Variants in DNAH12 observed in about 807,000 individuals in gnomAD.
DNAH12 encodes the protein axonemal beta dynein heavy chain 12.
A neutral mutation model predicts 371.5 loss-of-function variants in DNAH12; 285 were observed. The observed-to-expected ratio is 0.77, with a 90% CI of 0.70 to 0.85. The LOEUF (loss-of-function observed/expected upper bound fraction) is 0.85. DNAH12 is among the 40% of genes least tolerant of loss of function. DNAH12 has a pLI of 0.00. For missense variants in DNAH12, 3,611 were observed against 3,689.4 expected (o/e 0.98, Z 0.55); for synonymous variants, 1,200 against 1,213.0 (o/e 0.99, Z 0.22).
At position 57,369,228 on chromosome 3, in the gene DNAH12, A is replaced by ATAT. The variant is rs1553666815; in HGVS notation, c.8760-969_8760-968insATA. On this transcript the variant is annotated intron_variant, in intron 55 of 73. Coordinates refer to ENST00000495027, the MANE Select transcript of DNAH12 (RefSeq NM_001366028.2). The stretch of plus-strand genomic sequence containing the variant: ...AAGATTGAAACTCCATTAAAAAAAA[A>ATAT]ATATATATATATATATATATAAAAC... Among the ~76,000 whole-genome samples, 348 of 131,704 alleles carry ATAT rather than the reference A, an allele frequency of 2.6e-3. 2 individuals are homozygous for ATAT. Among genetic ancestry groups the ATAT allele is most frequent in the African/African-American group, 6.6e-3 (243 of 36,888 alleles). The allele number at this position is 131,704 out of a possible 152,430, so 86.4% of individuals were successfully genotyped here.
chr3:57,377,326 A>C (rs2063300878), intron 52 of DNAH12, 104 bp from the exon 53 acceptor site: 1 of 152,138 alleles, frequency 6.6e-6, no homozygotes, highest in African/African-American at 2.4e-5. Context: ...CATTGTAATA[A>C]ATTATATAAA....
chr3:57,490,128 C>A (rs2067067477), intron 11 of DNAH12, among the ~76,000 whole-genome samples: 1 of 152,060 alleles, frequency 6.6e-6, no homozygotes, highest in Non-Finnish European at 1.5e-5. Context: ...CTAATTCAAC[C>A]TTTAGGAAAA....
At chr3:57,361,220 G>A (rs2062920225) in intron 58 of DNAH12, among the ~76,000 whole-genome samples, 2 of 150,870 alleles carry the variant, frequency 1.3e-5, no homozygotes, top group African/African-American at 4.9e-5. Context: ...GGCATGGTGG[G>A]CGCCTGTAAT....
At chr3:57,418,104 A>G (rs1054581014) in intron 37 of DNAH12, among the ~76,000 whole-genome samples, 1 of 152,090 alleles carries the variant, frequency 6.6e-6, no homozygotes, top group Non-Finnish European at 1.5e-5. Flanking sequence ...GTGAGCAGAG[A>G]TGCTGGAATG....
At chr3:57,458,324 T>G in intron 20 of DNAH12, 104 bp from the exon 21 acceptor site, 1 of 1,300,964 alleles carries the variant, frequency 7.7e-7, no homozygotes, top group Non-Finnish European at 9.9e-7. Flanking sequence ...TGTTAAAAGG[T>G]TTATGAAAAA....
intron 27 of DNAH12, among the ~76,000 whole-genome samples, 191 bp from the exon 28 acceptor site, chr3:57,445,610 A>T (rs2065461949): frequency 6.6e-6 from 1 of 152,068 alleles, no homozygotes; most frequent in African/African-American, 2.4e-5. Flanking sequence ...TGTTTAAAAA[A>T]GTTTTGGGAG....
At position 57,363,573 on chromosome 3, in the gene DNAH12, CT is replaced by C. The variant is rs1424421651; in HGVS notation, c.9360+20del. The stretch of plus-strand genomic sequence containing the variant: ...TAATCTTAAGATTTAAATCAAAAGA[CT>C]TCTAGGATTCTTTTTTCACCTGCTG... On this transcript the variant is annotated intron_variant, in intron 58 of 73. Coordinates refer to ENST00000495027, the MANE Select transcript of DNAH12 (RefSeq NM_001366028.2). 1 of 152,028 alleles carries C rather than the reference CT, an allele frequency of 6.6e-6. No individual in the cohort carries two copies. The highest frequency in any genetic ancestry group is 6.6e-5 in the Admixed American group (1 of 15,252). 9.4% of individuals were successfully genotyped at this position (152,028 alleles called of 1,614,324 possible). A position where few individuals can be genotyped will look rare whatever the true frequency, so the allele number is the denominator to read the frequency against.
chr3:57,480,006 A>C (rs1247426389), intron 13 of DNAH12, among the ~76,000 whole-genome samples: 1 of 152,220 alleles, frequency 6.6e-6, no homozygotes, highest in Non-Finnish European at 1.5e-5. Flanking sequence ...TCACAATTAA[A>C]AGAACTAGAG....
At chr3:57,325,427 T>C (rs1232699539) in intron 62 of DNAH12, among the ~76,000 whole-genome samples, 1 of 152,224 alleles carries the variant, frequency 6.6e-6, no homozygotes, top group African/African-American at 2.4e-5. Context: ...AAAACCACTG[T>C]TCTGCAAACA....
intron 62 of DNAH12, among the ~76,000 whole-genome samples, chr3:57,326,153 G>C (rs1013157913): frequency 8.5e-5 from 13 of 152,048 alleles, no homozygotes; most frequent in Non-Finnish European, 1.9e-4. Context: ...TTATCCAGGA[G>C]AACTTCCCCA....
intron 6 of DNAH12, among the ~76,000 whole-genome samples, chr3:57,508,924 A>T (rs532201654): frequency 4.6e-5 from 7 of 152,340 alleles, no homozygotes; most frequent in Non-Finnish European, 1.0e-4. Flanking sequence ...GGCTAAGTTA[A>T]GCTATGCATT....
intron 73 of DNAH12, among the ~76,000 whole-genome samples, chr3:57,294,193 TG>T (rs1403630433): frequency 5.6e-5 from 8 of 142,606 alleles, no homozygotes; most frequent in African/African-American, 1.8e-4. Context: ...TTTTTTTTTT[TG>T]GAGACTGAGT....
intron 62 of DNAH12, among the ~76,000 whole-genome samples, chr3:57,327,859 T>TA (rs1202099900): frequency 1.3e-5 from 2 of 152,038 alleles, no homozygotes; most frequent in African/African-American, 4.8e-5. Flanking sequence ...ATAGATGCAA[T>TA]AAAAAATGAT....
At chr3:57,448,590 C>T (rs867999496) in intron 25 of DNAH12, among the ~76,000 whole-genome samples, 8 of 152,318 alleles carry the variant, frequency 5.3e-5, no homozygotes, top group East Asian at 1.9e-4. Context: ...ACAAAGCTTC[C>T]ACAGCGTGGA....
At chr3:57,509,861 TAAAA>T (rs902155403) in intron 5 of DNAH12, among the ~76,000 whole-genome samples, 86 of 46,536 alleles carry the variant, frequency 1.8e-3, no homozygotes, top group African/African-American at 5.2e-3. Flanking sequence ...GACTCCATCA[TAAAA>T]AAAAAAAAAA....
Position 57,405,834 on chromosome 3 carries a change from A to G in DNAH12, c.6395T>C (p.Val2132Ala). ...ACGGATCATAGTGTGTTTGTTCGCC[A>G]CGGCGTCTCTTTCAATGAGTAAACA... ...RGCLLIERDA[V>A]ANKHTMIRLF... is the part of the protein sequence containing the mutation. Residue 2132 changes from valine (V) to alanine (A), a missense_variant, in exon 41 of 74, where the codon GTG (valine) becomes GCG (alanine). This residue lies in a region of DNAH12 where 2,266 missense variants were observed against 2,236.9 expected (regional missense o/e 1.01). Coordinates refer to ENST00000495027, the MANE Select transcript of DNAH12 (RefSeq NM_001366028.2). 1 of 1,551,716 alleles carries G rather than the reference A, an allele frequency of 6.4e-7. No homozygotes were observed. Among genetic ancestry groups the G allele is most frequent in the Non-Finnish European group, 8.7e-7 (1 of 1,146,984 alleles).
rs2061352027 is a variant in DNAH12 at position 57,301,724 on chromosome 3, ACAC to A, written c.11394+8_11394+10del. On this transcript the variant is annotated splice_region_variant and intron_variant, in intron 70 of 73. Coordinates refer to ENST00000495027, the MANE Select transcript of DNAH12 (RefSeq NM_001366028.2). Reference sequence around the variant, plus strand: ...CACACACACACACACACACACACACACACATTTTACCTGTAAAAAGTTCAACCG... The same window carrying A: ...CACACACACACACACACACACACACAATTTTACCTGTAAAAAGTTCAACCG... The A allele has an allele frequency of 2.2e-6, 3 of 1,368,824 alleles. No individual in the cohort carries two copies. Among genetic ancestry groups the A allele is most frequent in the African/African-American group, 1.6e-5 (1 of 61,994 alleles). 84.8% of individuals were successfully genotyped at this position (1,368,824 alleles called of 1,614,324 possible).
chr3:57,388,370 G>A (rs945975187), intron 45 of DNAH12, among the ~76,000 whole-genome samples: 9 of 152,166 alleles, frequency 5.9e-5, no homozygotes, highest in Non-Finnish European at 1.3e-4. Context: ...GTTCACTAGA[G>A]TATTTTCCAG....
chr3:57,354,324 T>A (rs888912949), intron 59 of DNAH12, among the ~76,000 whole-genome samples: 2 of 152,004 alleles, frequency 1.3e-5, no homozygotes. Flanking sequence ...AAGGGAACAA[T>A]AGACACTGAG....
Sources: allele counts gnomAD v4.1 joint callset (sites outside exome capture counted in the v4.1 genomes callset), GRCh38; gene constraint gnomAD v4.1.1; regional missense constraint gnomAD v4.1.1; transcripts MANE v1.5; gene names NCBI Gene and HGNC (gene_info 2026-07-23, HGNC 2026-07-21).